The following GSE1 variants were observed in gnomAD, a reference collection of about 807,000 sequenced individuals.
GSE1 encodes Gse1 coiled-coil protein, also known as genetic suppressor element 1.
Under a neutral mutation model 112.6 loss-of-function variants are expected in GSE1, and 32 were observed. The observed-to-expected ratio is 0.28, with a 90% CI of 0.21 to 0.38. The LOEUF (loss-of-function observed/expected upper bound fraction) is 0.38. Ranked by LOEUF, GSE1 falls within the 10% of genes least tolerant of loss-of-function variation. The probability of loss-of-function intolerance (pLI) is 1.00; values close to 1 mark genes in which losing one functional copy is unlikely to be tolerated. For synonymous variants in GSE1, 1,115 were observed against 735.6 expected, an observed-to-expected ratio of 1.52 and a Z score of -8.35; for missense variants, 2,348 against 1,699.2, an observed-to-expected ratio of 1.38 and a Z score of -6.71.
chr16:85,663,384 A>G lies in GSE1; in HGVS notation c.2414A>G (p.Gln805Arg), dbSNP rs1345804098. ...CAACTTTTTGGCTTGACCACCCAAC[A>G]GCAGAAGGAGGAATTGGTGGCCCAG... is the stretch of plus-strand genomic sequence containing the variant. ...FLQLFGLTTQ[Q>R]QKEELVAQKR... Residue 805 changes from glutamine (Q) to arginine (R), a missense_variant, in exon 11 of 16, where the codon CAG (glutamine) becomes CGG (arginine). Coordinates refer to ENST00000253458, the MANE Select transcript of GSE1 (RefSeq NM_014615.5). 4 of 1,613,824 alleles carry G rather than the reference A, an allele frequency of 2.5e-6. No individual in the cohort carries two copies. The African/African-American group carries it at 5.3e-5, about 22-fold the overall frequency.
rs977483064 is a variant in GSE1, at chr16:85,395,308, G to A, written c.2464+37665G>A. On this transcript the variant is annotated intron_variant, in intron 2 of 2. Coordinates refer to the GSE1 transcript ENST00000637419. ...AGGTGTCAGGGCAGTGGCGCCTGCT[G>A]AGCGTGTTAGAAAGGAGGGAGAAGC... is the stretch of plus-strand genomic sequence containing the variant. Among the ~76,000 whole-genome samples the A allele has an allele frequency of 2.0e-5, 3 of 152,222 alleles. No individual in the cohort carries two copies. The South Asian group carries it at 6.2e-4, about 31-fold the overall frequency.
intron 3 of GSE1, among the ~76,000 whole-genome samples, chr16:85,649,025 C>G (rs949639502): frequency 2.0e-5 from 3 of 152,146 alleles, no homozygotes; most frequent in African/African-American, 7.2e-5. Context: ...CTGGAGGCCA[C>G]AAGTTCACAA....
intron 1 of GSE1, among the ~76,000 whole-genome samples, chr16:85,267,183 C>T (rs1411908519): frequency 1.3e-5 from 2 of 152,186 alleles, no homozygotes; most frequent in Non-Finnish European, 2.9e-5. Context: ...CTGGCCTCCC[C>T]TGAGACTCCC....
At chr16:85,493,331 T>A (rs943424209) in intron 2 of GSE1, among the ~76,000 whole-genome samples, 1 of 151,858 alleles carries the variant, frequency 6.6e-6, no homozygotes, top group East Asian at 1.9e-4. Context: ...ATCTGTAGTC[T>A]TCTACTTGGG....
At chr16:85,556,939 C>T (rs963204965) in intron 1 of GSE1, among the ~76,000 whole-genome samples, 12 of 152,048 alleles carry the variant, frequency 7.9e-5, no homozygotes, top group Non-Finnish European at 1.3e-4. Flanking sequence ...TTTGGCGTGG[C>T]TTCCTGTTTC....
At chr16:85,446,264 G>A (rs1002446416) in intron 2 of GSE1, among the ~76,000 whole-genome samples, 4 of 152,224 alleles carry the variant, frequency 2.6e-5, no homozygotes, top group African/African-American at 7.2e-5. Flanking sequence ...TTGAACGTGG[G>A]AGCTCTGGGA....
intron 1 of GSE1, among the ~76,000 whole-genome samples, chr16:85,355,477 C>T (rs1255766365): frequency 6.6e-6 from 1 of 152,198 alleles, no homozygotes; most frequent in Non-Finnish European, 1.5e-5. Flanking sequence ...ACCAACTCTT[C>T]CTGGAAAGGG....
At chr16:85,424,022 CAGGG>C (rs1248997170) in intron 2 of GSE1, among the ~76,000 whole-genome samples, 2 of 152,258 alleles carry the variant, frequency 1.3e-5, no homozygotes, top group African/African-American at 4.8e-5. Context: ...CTGCATCCAC[CAGGG>C]AGGCCAGAGC....
chr16:85,452,817 C>T (rs377271629), intron 2 of GSE1, among the ~76,000 whole-genome samples: 4 of 152,352 alleles, frequency 2.6e-5, no homozygotes, highest in African/African-American at 7.2e-5. Flanking sequence ...CTCCCCCGTT[C>T]GTTCTGTGAA....
At chr16:85,588,014 C>T (rs978598790) in intron 1 of GSE1, among the ~76,000 whole-genome samples, 10 of 152,206 alleles carry the variant, frequency 6.6e-5, no homozygotes, top group African/African-American at 2.2e-4. Flanking sequence ...CACCGTCCCC[C>T]GCCTCTCTAC....
rs1294490274 is a variant in GSE1, at chr16:85,661,403, A to C, written c.1898A>C (p.Lys633Thr). Residue 633 changes from lysine to threonine, a missense_variant, in exon 9 of 16, where the codon AAA (lysine) becomes ACA (threonine). Transcript: ENST00000253458. ...VKVERVFCPE[K>T]AEEGPRKREP... ...GTGGAGCGGGTCTTCTGCCCGGAGA[A>C]AGCAGAGGAGGGGCCACGGAAGCGT... 1.2e-6 allele frequency: 2 copies of C among 1,612,318 alleles called. No individual in the cohort carries two copies. Among genetic ancestry groups the C allele is most frequent in the East Asian group, 2.2e-5 (1 of 44,864 alleles).
chr16:85,331,643 G>GTA lies in GSE1; in HGVS notation c.2284-25810_2284-25809dup, dbSNP rs67019137. On this transcript the variant is annotated intron_variant, in intron 1 of 2. Coordinates refer to the GSE1 transcript ENST00000637419. ...TGTGTATATATGTGTATATATGTGTGTATATATATATGTGTATATGTGTGT... is the reference window on the plus strand; with the variant it reads ...TGTGTATATATGTGTATATATGTGTGTATATATATATATGTGTATATGTGTGT... Among the ~76,000 whole-genome samples, 506 of 123,348 alleles carry GTA rather than the reference G, an allele frequency of 4.1e-3. 13 individuals carry two copies. Among genetic ancestry groups the GTA allele is most frequent in the African/African-American group, 0.014 (452 of 33,060 alleles). 80.9% of individuals were successfully genotyped at this position (123,348 alleles called of 152,430 possible).
chr16:85,346,532 G>T (rs1013535461), intron 1 of GSE1, among the ~76,000 whole-genome samples: 2 of 151,086 alleles, frequency 1.3e-5, no homozygotes, highest in African/African-American at 4.9e-5. Context: ...TGGATGGGTG[G>T]ATGATAGGCG....
rs74031773 is a variant in GSE1 at position 85,281,049 on chromosome 16, C to T, written c.2284-76414C>T. On this transcript the variant is annotated intron_variant, in intron 1 of 2. Coordinates refer to the GSE1 transcript ENST00000637419. ...GGGTTGCGGGGAAGTTTGAGATGAA[C>T]GGCTCTCCCTGCTCTAAAGTCACTT... 5.5e-3 allele frequency among the ~76,000 whole-genome samples: 843 copies of T among 152,248 alleles called. 9 individuals carry two copies. Among genetic ancestry groups the T allele is most frequent in the African/African-American group, 0.018 (755 of 41,540 alleles).
intron 2 of GSE1, among the ~76,000 whole-genome samples, chr16:85,515,103 G>A (rs975294751): frequency 2.6e-5 from 4 of 152,202 alleles, no homozygotes; most frequent in South Asian, 2.1e-4. Flanking sequence ...GGGGTGCTCC[G>A]CCTCCGGGGA....
intron 2 of GSE1, among the ~76,000 whole-genome samples, chr16:85,398,251 T>G (rs2048012891): frequency 6.6e-6 from 1 of 152,138 alleles, no homozygotes; most frequent in South Asian, 2.1e-4. Context: ...TTCAGGCGTC[T>G]TTGGGGAAGT....
chr16:85,360,849 T>C (rs912851896), intron 2 of GSE1, among the ~76,000 whole-genome samples: 1 of 150,866 alleles, frequency 6.6e-6, no homozygotes, highest in Admixed American at 6.6e-5. Flanking sequence ...CAGAAACCCG[T>C]GACACACACA....
chr16:85,390,756 G>A (rs2047821629), intron 2 of GSE1, among the ~76,000 whole-genome samples: 2 of 100,710 alleles, frequency 2.0e-5, no homozygotes, highest in South Asian at 3.8e-4. Flanking sequence ...GCCCCAGCCC[G>A]AACCCCGTGC....
intron 2 of GSE1, among the ~76,000 whole-genome samples, chr16:85,486,493 G>A (rs1051334323): frequency 1.2e-4 from 19 of 152,244 alleles, no homozygotes; most frequent in African/African-American, 4.3e-4. Context: ...AGTGGCACTA[G>A]GTGGCTCCGT....
Sources: gnomAD v4.1 joint callset for allele counts (sites outside exome capture counted in the v4.1 genomes callset) on GRCh38, gnomAD v4.1.1 for gene constraint, MANE v1.5 for transcripts, NCBI Gene and HGNC (gene_info 2026-07-23, HGNC 2026-07-21) for gene names.